The following NELL1 variants were observed in gnomAD, a reference collection of about 807,000 sequenced individuals.
The protein encoded by NELL1 is neural EGFL like 1, also known as protein kinase C-binding protein NELL1.
A neutral mutation model predicts 107.4 loss-of-function variants in NELL1; 76 were observed. That is an observed-to-expected ratio of 0.71 (90% confidence interval 0.59 to 0.86). The LOEUF is 0.86. NELL1 is among the 40% of genes least tolerant of loss of function. The pLI is 0.00. For missense variants in NELL1, 1,024 were observed against 1,005.5 expected, an observed-to-expected ratio of 1.02 and a Z score of -0.25; for synonymous variants, 353 against 341.2, an observed-to-expected ratio of 1.03 and a Z score of -0.38.
chr11:21,534,805 C>T (rs1450497256), intron 16 of NELL1, among the ~76,000 whole-genome samples: 3 of 151,900 alleles, frequency 2.0e-5, no homozygotes, highest in Admixed American at 6.6e-5. Context: ...TAAGGAAAAC[C>T]GTGATGACTT....
At chr11:20,862,628 T>TTTTTTTTTC (rs869055167) in intron 4 of NELL1, among the ~76,000 whole-genome samples, 3 of 138,676 alleles carry the variant, frequency 2.2e-5, no homozygotes, top group Non-Finnish European at 3.1e-5. Context: ...TTTTTTTTTT[T>TTTTTTTTTC]ATTGATCATT....
chr11:21,568,798 A>G (rs1003745261), intron 17 of NELL1, among the ~76,000 whole-genome samples: 3 of 151,456 alleles, frequency 2.0e-5, no homozygotes, highest in African/African-American at 2.4e-5. Flanking sequence ...CAGAGCTATC[A>G]TCTCTTATGA....
intron 14 of NELL1, among the ~76,000 whole-genome samples, chr11:21,291,730 G>C (rs1849267183): frequency 6.6e-6 from 1 of 152,100 alleles, no homozygotes; most frequent in Admixed American, 6.5e-5. Flanking sequence ...TATCCACCAA[G>C]ATCAAGTCAG....
chr11:21,134,959 G>A (rs1163006418), intron 13 of NELL1, among the ~76,000 whole-genome samples: 1 of 152,170 alleles, frequency 6.6e-6, no homozygotes. Context: ...GTGGTTTTAA[G>A]TATTAAATAA....
intron 15 of NELL1, among the ~76,000 whole-genome samples, chr11:21,517,256 A>C (rs1435747289): frequency 5.3e-5 from 8 of 152,308 alleles, no homozygotes; most frequent in African/African-American, 1.9e-4. Flanking sequence ...TGAAAGCTCA[A>C]GTTCAATGAA....
chr11:20,837,558 C>T (rs1198110756), intron 3 of NELL1, among the ~76,000 whole-genome samples: 3 of 152,070 alleles, frequency 2.0e-5, no homozygotes. Flanking sequence ...AACAAGCCTT[C>T]CTTGGAGAGA....
intron 3 of NELL1, among the ~76,000 whole-genome samples, chr11:20,833,099 G>A (rs1293522574): frequency 6.6e-6 from 1 of 152,112 alleles, no homozygotes; most frequent in African/African-American, 2.4e-5. Flanking sequence ...AGAGGGCCTG[G>A]CTTAGGCATC....
At chr11:20,992,618 C>T (rs2134260245) in intron 12 of NELL1, among the ~76,000 whole-genome samples, 1 of 151,900 alleles carries the variant, frequency 6.6e-6, no homozygotes, top group South Asian at 2.1e-4. Context: ...GTAATTGGTA[C>T]TGCCTGGAGC....
intron 3 of NELL1, among the ~76,000 whole-genome samples, chr11:20,829,349 C>A (rs973339663): frequency 6.6e-5 from 10 of 151,688 alleles, no homozygotes; most frequent in Non-Finnish European, 1.0e-4. Flanking sequence ...GCTTCAGCCT[C>A]CTGAGTAGCT....
intron 2 of NELL1, among the ~76,000 whole-genome samples, chr11:20,702,551 A>G (rs1227181126): frequency 6.6e-6 from 1 of 152,088 alleles, no homozygotes; most frequent in East Asian, 1.9e-4. Flanking sequence ...ACTATGTTGA[A>G]TAGGAGTGGT....
intron 13 of NELL1, among the ~76,000 whole-genome samples, chr11:21,226,281 T>C (rs867331495): frequency 3.9e-4 from 59 of 152,144 alleles, no homozygotes; most frequent in African/African-American, 1.4e-3. Context: ...CCAGTAGGAA[T>C]TGGGGGCAAA....
chr11:20,701,861 G>A (rs1323366986), intron 2 of NELL1, among the ~76,000 whole-genome samples: 1 of 152,000 alleles, frequency 6.6e-6, no homozygotes, highest in African/African-American at 2.4e-5. Context: ...CTGTTCCATT[G>A]GTCTATATCT....
chr11:21,102,182 A>G (rs1854836184), intron 12 of NELL1, among the ~76,000 whole-genome samples: 1 of 152,182 alleles, frequency 6.6e-6, no homozygotes, highest in Non-Finnish European at 1.5e-5. Context: ...CCTTTTTGTT[A>G]AAAAATTATT....
intron 14 of NELL1, among the ~76,000 whole-genome samples, chr11:21,342,442 C>T (rs1477582763): frequency 1.4e-5 from 2 of 147,054 alleles, no homozygotes; most frequent in East Asian, 2.0e-4. Flanking sequence ...GCCAGGAGTT[C>T]GAGACCAGCC....
intron 13 of NELL1, among the ~76,000 whole-genome samples, chr11:21,199,210 A>T (rs1030773523): frequency 1.3e-5 from 2 of 152,112 alleles, no homozygotes; most frequent in Non-Finnish European, 2.9e-5. Context: ...GGAATCAATC[A>T]TGGACATCTC....
chr11:20,830,359 G>A (rs1857982515), intron 3 of NELL1, among the ~76,000 whole-genome samples: 1 of 151,732 alleles, frequency 6.6e-6, no homozygotes, highest in Non-Finnish European at 1.5e-5. Context: ...GGAAGAAGGA[G>A]AAAGAATGGA....
Position 21,259,766 on chromosome 11 carries a change from C to T in NELL1, c.1549+30312C>T, listed in dbSNP as rs549157268. Among the ~76,000 whole-genome samples, 319 of 151,804 alleles carry T rather than the reference C, an allele frequency of 2.1e-3. 1 individual carries two copies. The highest frequency in any genetic ancestry group is 7.4e-3 in the African/African-American group (308 of 41,420). On this transcript the variant is annotated intron_variant, in intron 14 of 19. Coordinates refer to ENST00000357134, the MANE Select transcript of NELL1 (RefSeq NM_006157.5). ...TTTTATTCTGTGTTTTCAAAAATGA[C>T]TTTTTTTCAAGAATTAGCTTGCATA...
chr11:20,940,172 C>T (rs1850818495), intron 10 of NELL1, among the ~76,000 whole-genome samples: 1 of 151,892 alleles, frequency 6.6e-6, no homozygotes, highest in Admixed American at 6.6e-5. Flanking sequence ...TCTCTCCCTC[C>T]CTTCCTCCCT....
At chr11:20,876,988 T>C (rs544059047) in intron 4 of NELL1, among the ~76,000 whole-genome samples, 1 of 152,296 alleles carries the variant, frequency 6.6e-6, no homozygotes, top group South Asian at 2.1e-4. Flanking sequence ...AATTCTCACA[T>C]TTTTCTTATG....
Sources: allele counts gnomAD v4.1 joint callset (sites outside exome capture counted in the v4.1 genomes callset), GRCh38; gene constraint gnomAD v4.1.1; transcripts MANE v1.5; gene names NCBI Gene and HGNC (gene_info 2026-07-23, HGNC 2026-07-21).